PPARGC1A: variants seen among roughly 807,000 people sequenced by gnomAD.
PPARGC1A encodes PPARG coactivator 1 alpha.
PPARGC1A carries 25 observed loss-of-function variants against 88.7 expected under a neutral mutation model. The observed-to-expected ratio is 0.28, with a 90% confidence interval of 0.21 to 0.39. The LOEUF is 0.39. Ranked by LOEUF, PPARGC1A falls within the 10% of genes least tolerant of loss-of-function variation. PPARGC1A has a pLI of 1.00. For missense variants in PPARGC1A, 880 were observed against 968.7 expected (o/e 0.91, Z 1.22); for synonymous variants, 363 against 355.6 (o/e 1.02, Z -0.24).
At chr4:23,802,742 T>C (rs1354911613) in intron 10 of PPARGC1A, among the ~76,000 whole-genome samples, 1 of 136,494 alleles carries the variant, frequency 7.3e-6, no homozygotes, top group African/African-American at 2.7e-5. Context: ...CAATCATGCA[T>C]AAGAAACCCC....
At chr4:24,145,933 A>G in the PPARGC1A span, among the ~76,000 whole-genome samples, 2 of 152,186 alleles carry the variant, frequency 1.3e-5, no homozygotes, top group Non-Finnish European at 2.9e-5. Context: ...TTACATTTCA[A>G]TGTTGGGAGA....
At chr4:23,975,414 T>C in the PPARGC1A span, among the ~76,000 whole-genome samples, 1 of 59,752 alleles carries the variant, frequency 1.7e-5, no homozygotes, top group Non-Finnish European at 3.6e-5. Context: ...AACTATGCTA[T>C]TCATTCTTTT....
chr4:23,833,815 C>T (rs1011226208), intron 2 of PPARGC1A, among the ~76,000 whole-genome samples: 8 of 152,222 alleles, frequency 5.3e-5, no homozygotes, highest in Non-Finnish European at 1.0e-4. Context: ...TAATGCATCC[C>T]TCTCACGTCC....
the PPARGC1A span, among the ~76,000 whole-genome samples, chr4:24,134,888 A>C: frequency 6.6e-6 from 1 of 152,164 alleles, no homozygotes; most frequent in Non-Finnish European, 1.5e-5. Context: ...ATTTGTTGTC[A>C]AAAGTGGACA....
At chr4:24,059,091 G>A in the PPARGC1A span, among the ~76,000 whole-genome samples, 2,416 of 152,246 alleles carry the variant, frequency 0.016, 56 homozygotes, top group African/African-American at 0.05. Context: ...TCCCTCAAGC[G>A]CATTTCCGTG....
At chr4:24,245,514 C>T in the PPARGC1A span, among the ~76,000 whole-genome samples, 5 of 152,218 alleles carry the variant, frequency 3.3e-5, no homozygotes, top group Non-Finnish European at 5.9e-5. Context: ...TGAGAGAAGG[C>T]TGTCACTGAG....
the PPARGC1A span, among the ~76,000 whole-genome samples, chr4:24,433,316 A>G: frequency 1.3e-5 from 2 of 152,068 alleles, no homozygotes; most frequent in Non-Finnish European, 1.5e-5. Context: ...GACTTCATTT[A>G]AATTTTTTAA....
rs3774915 is a variant in PPARGC1A at position 23,816,991 on chromosome 4, C to T, written c.878-2386G>A. Among the ~76,000 whole-genome samples, 225 of 152,224 alleles carry T rather than the reference C, an allele frequency of 1.5e-3. 11 individuals are homozygous for T. The East Asian group carries it at 0.04, about 27-fold the overall frequency. On this transcript the variant is annotated intron_variant, in intron 7 of 12. Coordinates refer to ENST00000264867, the MANE Select transcript of PPARGC1A (RefSeq NM_013261.5). ...GCAGCCCAAGAATCACTTGGGAAAC[C>T]GGGTAAACATTTTTAATGAGATGCT...
intron 7 of PPARGC1A, among the ~76,000 whole-genome samples, chr4:23,814,977 AAAATT>A (rs1340471483): frequency 6.6e-6 from 1 of 152,180 alleles, no homozygotes; most frequent in Non-Finnish European, 1.5e-5. Context: ...TGCTTTATGG[AAAATT>A]AACAAAGTGA....
chr4:24,204,181 T>C, the PPARGC1A span, among the ~76,000 whole-genome samples: 3 of 152,164 alleles, frequency 2.0e-5, no homozygotes, highest in Admixed American at 6.5e-5. Context: ...AAAACTCACA[T>C]TGGGCCAGTA....
chr4:24,324,274 C>T, the PPARGC1A span, among the ~76,000 whole-genome samples: 5 of 152,228 alleles, frequency 3.3e-5, no homozygotes, highest in Admixed American at 6.5e-5. Flanking sequence ...ACCCCTCAAC[C>T]CCTTCTCCTT....
At chr4:23,932,642 A>AT in the PPARGC1A span, among the ~76,000 whole-genome samples, 61 of 150,866 alleles carry the variant, frequency 4.0e-4, no homozygotes, top group Middle Eastern at 3.4e-3. Context: ...AGCTTAACGA[A>AT]TTTTTTTTTT....
At chr4:24,453,026 G>A in the PPARGC1A span, among the ~76,000 whole-genome samples, 1 of 152,130 alleles carries the variant, frequency 6.6e-6, no homozygotes, top group Non-Finnish European at 1.5e-5. Context: ...TTTAAACTCT[G>A]GTCTTTAGGG....
the PPARGC1A span, among the ~76,000 whole-genome samples, chr4:24,193,815 G>C: frequency 6.6e-5 from 10 of 152,124 alleles, no homozygotes; most frequent in Admixed American, 3.3e-4. Flanking sequence ...GCCTCCTACA[G>C]AGCAGAAACG....
intron 2 of PPARGC1A, among the ~76,000 whole-genome samples, chr4:23,880,209 A>G (rs1461126855): frequency 1.3e-5 from 2 of 152,228 alleles, no homozygotes; most frequent in Non-Finnish European, 2.9e-5. Context: ...AAACATATGC[A>G]TATACTTGTA....
chr4:23,941,380 GTC>G, the PPARGC1A span, among the ~76,000 whole-genome samples: 3 of 152,038 alleles, frequency 2.0e-5, no homozygotes, highest in African/African-American at 7.2e-5. Flanking sequence ...AATGTCATAT[GTC>G]TAAATGGATT....
chr4:24,165,023 T>G, the PPARGC1A span, among the ~76,000 whole-genome samples: 8 of 152,162 alleles, frequency 5.3e-5, no homozygotes, highest in Non-Finnish European at 7.4e-5. Flanking sequence ...AAGGAGTAGC[T>G]ACAATAATCT....
the PPARGC1A span, among the ~76,000 whole-genome samples, chr4:24,326,989 A>G: frequency 2.0e-5 from 3 of 152,156 alleles, no homozygotes; most frequent in African/African-American, 4.8e-5. Context: ...CTGATAACAG[A>G]CCAACCTTTA....
the PPARGC1A span, among the ~76,000 whole-genome samples, chr4:24,352,369 G>T: frequency 6.6e-6 from 1 of 152,152 alleles, no homozygotes; most frequent in African/African-American, 2.4e-5. Flanking sequence ...CAACACAAGT[G>T]AGCAGAACTC....
Sources: gnomAD v4.1 joint callset for allele counts (sites outside exome capture counted in the v4.1 genomes callset) on GRCh38, gnomAD v4.1.1 for gene constraint, MANE v1.5 for transcripts, NCBI Gene and HGNC (gene_info 2026-07-23, HGNC 2026-07-21) for gene names.